GPAM: variants seen among roughly 807,000 people sequenced by gnomAD.
GPAM encodes the protein glycerol-3-phosphate acyltransferase, mitochondrial.
GPAM carries 56 observed loss-of-function variants against 105.0 expected under a neutral mutation model. The observed-to-expected ratio is 0.53, with a 90% CI of 0.43 to 0.67. GPAM has a LOEUF of 0.67. GPAM is among the 30% of genes least tolerant of loss of function. GPAM has a pLI of 0.00. For synonymous variants in GPAM, 368 were observed against 354.4 expected (o/e 1.04, Z -0.43); for missense variants, 855 against 989.8 (o/e 0.86, Z 1.83).
chr10:112,161,233 A>G (rs1358537613), intron 15 of GPAM, among the ~76,000 whole-genome samples: 1 of 152,156 alleles, frequency 6.6e-6, no homozygotes, highest in Admixed American at 6.5e-5. Context: ...GCCTATATAT[A>G]TTGGCACTGT....
At chr10:112,225,470 C>G in the GPAM span, among the ~76,000 whole-genome samples, 7,555 of 152,242 alleles carry the variant, frequency 0.05, 266 homozygotes, top group African/African-American at 0.093. Context: ...ACAATGCCAC[C>G]CTCCTACCTA....
rs1012903665 is a variant in GPAM at position 112,151,801 on chromosome 10, T to C, written c.*1749A>G. The C allele has an allele frequency of 6.1e-6, 6 of 984,784 alleles. No homozygotes were observed. In the African/African-American group the frequency reaches 8.7e-5, roughly 14 times the overall value. 61.0% of individuals were successfully genotyped at this position (984,784 alleles called of 1,614,324 possible). ...CAGATAAGGAACACCCAAGACTCCC[T>C]GGGTATCCTCCAAATGTAGCCAAGA... On this transcript the variant is annotated 3_prime_UTR_variant, in exon 22 of 22. Coordinates refer to ENST00000348367, the MANE Select transcript of GPAM (RefSeq NM_001244949.2).
the GPAM span, among the ~76,000 whole-genome samples, chr10:112,227,474 T>G: frequency 6.6e-6 from 1 of 152,192 alleles, no homozygotes; most frequent in South Asian, 2.1e-4. Flanking sequence ...GGTTCTTCAG[T>G]TGCTCAAGTG....
chr10:112,179,415 A>G lies in GPAM; in HGVS notation c.225+1058T>C, dbSNP rs948219328. Among the ~76,000 whole-genome samples, 19 of 152,320 alleles carry G rather than the reference A, an allele frequency of 1.2e-4. No individual in the cohort carries two copies. The East Asian group carries it at 3.7e-3, about 29-fold the overall frequency. On this transcript the variant is annotated intron_variant, in intron 4 of 21. Coordinates refer to ENST00000348367, the MANE Select transcript of GPAM (RefSeq NM_001244949.2). ...TCTGTTTAAATCTTGATTTCAAGTGACCTATTAATCTGAACTAGCTTTACT... is the reference window on the plus strand; with the variant it reads ...TCTGTTTAAATCTTGATTTCAAGTGGCCTATTAATCTGAACTAGCTTTACT...
intron 17 of GPAM, among the ~76,000 whole-genome samples, chr10:112,158,596 C>G (rs147072502): frequency 2.7e-4 from 41 of 152,256 alleles, no homozygotes; most frequent in African/African-American, 8.4e-4. Context: ...ACCTCTGTCA[C>G]TTAAAGTTGG....
At chr10:112,175,559 T>C (rs1589593593) in intron 6 of GPAM, 41 bp downstream of exon 6, 3 of 1,016,956 alleles carry the variant, frequency 2.9e-6, no homozygotes, top group Non-Finnish European at 4.7e-6. Context: ...CTACCGCCCA[T>C]CCCTGCCTCT....
chr10:112,173,131 C>G (rs1847341966), intron 7 of GPAM, 65 bp from the exon 8 acceptor site: 1 of 916,312 alleles, frequency 1.1e-6, no homozygotes, highest in East Asian at 2.4e-5. Flanking sequence ...CATACAAGCA[C>G]ATACAGTTGA....
At chr10:112,182,009 A>G (rs1847518181) in intron 2 of GPAM, among the ~76,000 whole-genome samples, 196 bp from the exon 3 acceptor site, 1 of 147,562 alleles carries the variant, frequency 6.8e-6, no homozygotes, top group African/African-American at 2.5e-5. Context: ...CCCTGACTAG[A>G]AAAAAAAAAA....
intron 1 of GPAM, among the ~76,000 whole-genome samples, chr10:112,203,361 T>C (rs563840622): frequency 9.8e-5 from 15 of 152,352 alleles, no homozygotes; most frequent in Non-Finnish European, 1.8e-4. Flanking sequence ...TGTGTAATTT[T>C]CTAAACATGG....
intron 1 of GPAM, among the ~76,000 whole-genome samples, chr10:112,206,819 TAA>T (rs201322165): frequency 9.6e-4 from 108 of 113,006 alleles, no homozygotes; most frequent in African/African-American, 3.5e-3. Context: ...TAAAGTATAA[TAA>T]AAAAAAAAAT....
intron 1 of GPAM, among the ~76,000 whole-genome samples, chr10:112,209,182 G>A (rs1323900157): frequency 6.6e-6 from 1 of 152,204 alleles, no homozygotes; most frequent in Non-Finnish European, 1.5e-5. Flanking sequence ...TTCCTTGAGA[G>A]CAGTGACTAT....
rs1847640361 is a variant in GPAM, at chr10:112,190,259, G to GGTC, written n.211-7369_211-7368insGAC. ...AGGGGTGGCAGTGAAGGTGACCTTAGATTCTGCCTTTAAGAAAGGGTCTTT... is the reference window on the plus strand; with the variant it reads ...AGGGGTGGCAGTGAAGGTGACCTTAGGTCATTCTGCCTTTAAGAAAGGGTCTTT... On this transcript the variant is annotated intron_variant and non_coding_transcript_variant, in intron 1 of 3. Transcript: ENST00000480130. Among the ~76,000 whole-genome samples, 7 of 152,224 alleles carry GGTC rather than the reference G, an allele frequency of 4.6e-5. No homozygotes were observed. In the South Asian group the frequency reaches 1.5e-3, roughly 32 times the overall value.
chr10:112,151,366 A>G lies in GPAM; in HGVS notation c.*2184T>C, dbSNP rs1337497900. 2 of 985,692 alleles carry G rather than the reference A, an allele frequency of 2.0e-6. No individual in the cohort carries two copies. Among genetic ancestry groups the G allele is most frequent in the African/African-American group, 1.7e-5 (1 of 57,234 alleles). The allele number at this position is 985,692 out of a possible 1,614,324, so 61.1% of individuals were successfully genotyped here. A position where few individuals can be genotyped will look rare whatever the true frequency, so the allele number is the denominator to read the frequency against. Reference sequence around the variant, plus strand: ...TTCAGTCATGAGGCACTGAAGAATGAGTTGTGCTGAAATTAACTCAAAGGT... The same window carrying G: ...TTCAGTCATGAGGCACTGAAGAATGGGTTGTGCTGAAATTAACTCAAAGGT... On this transcript the variant is annotated 3_prime_UTR_variant, in exon 22 of 22. Transcript: ENST00000348367.
At chr10:112,187,172 G>T (rs1847605831), upstream of GPAM, among the ~76,000 whole-genome samples, 1 of 152,150 alleles carries the variant, frequency 6.6e-6, no homozygotes. Context: ...GGCAGTAAAT[G>T]ATGGGGGAGA....
At chr10:112,211,383 C>T (rs985151847) in intron 1 of GPAM, among the ~76,000 whole-genome samples, 1 of 152,130 alleles carries the variant, frequency 6.6e-6, no homozygotes, top group East Asian at 1.9e-4. Context: ...TTCAGTCCAA[C>T]TCTCTCATTT....
intron 1 of GPAM, among the ~76,000 whole-genome samples, chr10:112,189,995 T>G (rs969070746): frequency 6.6e-6 from 1 of 152,176 alleles, no homozygotes; most frequent in African/African-American, 2.4e-5. Context: ...AATCAAAAAC[T>G]TTTTTACTGC....
upstream of GPAM, among the ~76,000 whole-genome samples, chr10:112,216,966 T>TA (rs34357087): frequency 0.24 from 34,655 of 146,746 alleles, 4,860 homozygotes; most frequent in African/African-American, 0.39. Flanking sequence ...CTCCACTCCT[T>TA]AAAAAAAAAA....
At chr10:112,175,530 T>C in intron 6 of GPAM, 70 bp downstream of exon 6, 1 of 812,766 alleles carries the variant, frequency 1.2e-6, no homozygotes, top group Non-Finnish European at 2.2e-6. Context: ...TTACTAAGAA[T>C]TACTTCCCCC....
At chr10:112,226,833 G>A in the GPAM span, among the ~76,000 whole-genome samples, 1 of 152,116 alleles carries the variant, frequency 6.6e-6, no homozygotes, top group Non-Finnish European at 1.5e-5. Context: ...GGCCACGAGG[G>A]GTTTTATGCC....
Sources: gnomAD v4.1 joint callset for allele counts (sites outside exome capture counted in the v4.1 genomes callset) on GRCh38, gnomAD v4.1.1 for gene constraint, MANE v1.5 for transcripts, NCBI Gene and HGNC (gene_info 2026-07-23, HGNC 2026-07-21) for gene names.